Variants in CCDC14 observed in about 807,000 individuals in gnomAD.
The protein encoded by CCDC14 is coiled-coil domain containing 14, also known as coiled-coil domain-containing protein 14.
Under a neutral mutation model 81.4 loss-of-function variants are expected in CCDC14, and 71 were observed. The ratio of observed to expected loss-of-function variants is 0.87; its 90% CI spans 0.72 to 1.06. The LOEUF (loss-of-function observed/expected upper bound fraction) is 1.06, where lower values mean the gene tolerates loss of function less well. Ranked by LOEUF, CCDC14 falls within the 50% of genes least tolerant of loss-of-function variation. The pLI, the probability that CCDC14 is intolerant of heterozygous loss-of-function variation, is 0.00. For missense variants in CCDC14, 1,046 were observed against 1,047.3 expected (o/e 1.00, Z 0.02); for synonymous variants, 332 against 364.8 (o/e 0.91, Z 1.03).
chr3:123,914,598 A>C lies in CCDC14; in HGVS notation c.*181T>G. On this transcript the variant is annotated 3_prime_UTR_variant, in exon 13 of 13. Transcript: ENST00000409697. Reference sequence around the variant, plus strand: ...TCTTCTTGTAGCAATTGTGAACTTAAGATGACTTGTTTTTATAAGCTCCTC... The same window carrying C: ...TCTTCTTGTAGCAATTGTGAACTTACGATGACTTGTTTTTATAAGCTCCTC... The C allele has an allele frequency of 7.8e-7, 1 of 1,288,894 alleles. No individual in the cohort carries two copies. Among genetic ancestry groups the C allele is most frequent in the Non-Finnish European group, 9.8e-7 (1 of 1,020,462 alleles). The allele number at this position is 1,288,894 out of a possible 1,614,324, so 79.8% of individuals were successfully genotyped here.
chr3:123,931,257 T>G, intron 11 of CCDC14, 23 bp from the exon 12 acceptor site: 1 of 1,586,804 alleles, frequency 6.3e-7, no homozygotes, highest in South Asian at 1.2e-5. Flanking sequence ...AAGTTTCAGT[T>G]TCCTTATTCC....
chr3:123,918,606 C>T (rs538874338), intron 12 of CCDC14, among the ~76,000 whole-genome samples: 1 of 152,276 alleles, frequency 6.6e-6, no homozygotes, highest in Admixed American at 6.5e-5. Flanking sequence ...TTAAGTACCA[C>T]ACAGAGAGGA....
intron 9 of CCDC14, among the ~76,000 whole-genome samples, chr3:123,939,019 T>G (rs1185187256): frequency 6.6e-6 from 1 of 151,982 alleles, no homozygotes; most frequent in South Asian, 2.1e-4. Context: ...ATCTGTCTAC[T>G]CTTTTGTTTG....
intron 10 of CCDC14, 93 bp downstream of exon 10, chr3:123,933,580 T>G (rs1159548264): frequency 1.3e-5 from 10 of 795,964 alleles, no homozygotes; most frequent in Admixed American, 5.6e-5. Context: ...TATTTTAAAT[T>G]TATCCCCTCA....
At position 123,907,720 on chromosome 3, in the gene CCDC14, A is replaced by T. The variant is rs984229984; in HGVS notation, c.668-10107T>A. Among the ~76,000 whole-genome samples the T allele has an allele frequency of 2.2e-4, 29 of 133,622 alleles. No individual in the cohort carries two copies. The South Asian group carries it at 4.7e-3, about 22-fold the overall frequency. The allele number at this position is 133,622 out of a possible 152,430, so 87.7% of individuals were successfully genotyped here. On this transcript the variant is annotated intron_variant, in intron 5 of 5. Transcript: ENST00000479903. The stretch of plus-strand genomic sequence containing the variant: ...ACCTCATCAATAAAAAAAATATAAT[A>T]AAAAAAAAAACCCTTTTCACCTCTG...
intron 10 of CCDC14, among the ~76,000 whole-genome samples, chr3:123,932,491 A>T (rs1015595636): frequency 6.6e-6 from 1 of 152,172 alleles, no homozygotes; most frequent in Non-Finnish European, 1.5e-5. Context: ...TTAAGCCTTC[A>T]TCATGTCATG....
At chr3:123,898,884 GTT>G (rs10675830) in intron 5 of CCDC14, among the ~76,000 whole-genome samples, 10 of 139,592 alleles carry the variant, frequency 7.2e-5, no homozygotes, top group East Asian at 4.1e-4. Flanking sequence ...TTGTTTGGTT[GTT>G]TTTTTTTTTT....
At chr3:123,955,678 G>A (rs758234942) in intron 5 of CCDC14, 165 bp downstream of exon 5, 1 of 481,788 alleles carries the variant, frequency 2.1e-6, no homozygotes, top group Non-Finnish European at 3.4e-6. Flanking sequence ...AGCAAGCAAA[G>A]TGGACTACTC....
At chr3:123,899,617 T>C (rs1559753384) in intron 5 of CCDC14, among the ~76,000 whole-genome samples, 1 of 152,174 alleles carries the variant, frequency 6.6e-6, no homozygotes, top group South Asian at 2.1e-4. Flanking sequence ...CAAATTCCTC[T>C]CCTCCCCAGT....
intron 12 of CCDC14, among the ~76,000 whole-genome samples, chr3:123,925,121 C>T (rs537174168): frequency 1.4e-5 from 2 of 144,410 alleles, no homozygotes; most frequent in South Asian, 2.2e-4. Context: ...TATTGGAATA[C>T]TACTCAGCCT....
chr3:123,898,029 C>T (rs1269772100), intron 5 of CCDC14, among the ~76,000 whole-genome samples: 1 of 152,140 alleles, frequency 6.6e-6, no homozygotes, highest in African/African-American at 2.4e-5. Context: ...TGAAAAATCC[C>T]TTGTTTTGCA....
chr3:123,911,139 T>A (rs532339950), downstream of CCDC14, among the ~76,000 whole-genome samples: 43 of 152,298 alleles, frequency 2.8e-4, no homozygotes, highest in Non-Finnish European at 5.0e-4. Context: ...ACAGTTCTTT[T>A]CTTTGGGTAT....
chr3:123,952,959 G>A (rs969491896), intron 5 of CCDC14: 1 of 170,124 alleles, frequency 5.9e-6, no homozygotes, highest in Non-Finnish European at 1.3e-5. Flanking sequence ...TTGTCCTGTG[G>A]AAGTAGGTCC....
intron 12 of CCDC14, among the ~76,000 whole-genome samples, chr3:123,918,175 A>T (rs1299995182): frequency 6.6e-6 from 1 of 152,236 alleles, no homozygotes; most frequent in Non-Finnish European, 1.5e-5. Flanking sequence ...AGTGGTGATT[A>T]TATCTCTGTA....
intron 9 of CCDC14, among the ~76,000 whole-genome samples, chr3:123,940,790 C>T (rs1045863545): frequency 6.6e-6 from 1 of 151,974 alleles, no homozygotes; most frequent in Non-Finnish European, 1.5e-5. Flanking sequence ...ATTCCCGAGT[C>T]TACATTTCCA....
At chr3:123,900,402 C>T (rs2034155849) in intron 5 of CCDC14, among the ~76,000 whole-genome samples, 2 of 152,190 alleles carry the variant, frequency 1.3e-5, no homozygotes, top group Admixed American at 1.3e-4. Flanking sequence ...AGCAACATTC[C>T]AGATTCCTTT....
At chr3:123,897,774 C>T (rs1283146783) in intron 5 of CCDC14, among the ~76,000 whole-genome samples, 1 of 152,128 alleles carries the variant, frequency 6.6e-6, no homozygotes, top group East Asian at 1.9e-4. Context: ...TCTAAAAACA[C>T]TGTAGAAGTT....
intron 12 of CCDC14, among the ~76,000 whole-genome samples, chr3:123,922,467 C>G (rs2035107911): frequency 6.6e-6 from 1 of 151,672 alleles, no homozygotes; most frequent in African/African-American, 2.4e-5. Flanking sequence ...ATTGACAAAC[C>G]CTTAGCTAGA....
At chr3:123,945,958 CTG>C (rs1424964183) in intron 8 of CCDC14, among the ~76,000 whole-genome samples, 3 of 152,168 alleles carry the variant, frequency 2.0e-5, no homozygotes, top group East Asian at 1.9e-4. Flanking sequence ...ACACTTAGCA[CTG>C]TGCTGGACAC....
Sources: gnomAD v4.1 joint callset for allele counts (sites outside exome capture counted in the v4.1 genomes callset) on GRCh38, gnomAD v4.1.1 for gene constraint, MANE v1.5 for transcripts, NCBI Gene and HGNC (gene_info 2026-07-23, HGNC 2026-07-21) for gene names.